The following EPHA6 variants were observed in gnomAD, a reference collection of about 807,000 sequenced individuals.
EPHA6 encodes the protein EPH receptor A6.
A neutral mutation model predicts 112.0 loss-of-function variants in EPHA6; 50 were observed. That is an observed-to-expected ratio of 0.45 (90% CI 0.36 to 0.56). The LOEUF (loss-of-function observed/expected upper bound fraction) is 0.56. Ranked by LOEUF, EPHA6 falls within the 20% of genes least tolerant of loss-of-function variation. EPHA6 has a pLI of 0.00. For synonymous variants in EPHA6, 529 were observed against 490.7 expected (o/e 1.08, Z -1.03); for missense variants, 1,280 against 1,417.4 (o/e 0.90, Z 1.56).
intron 13 of EPHA6, among the ~76,000 whole-genome samples, chr3:97,625,954 A>C (rs556673114): frequency 9.9e-4 from 151 of 151,868 alleles, no homozygotes; most frequent in Admixed American, 1.8e-3. Flanking sequence ...GCATAAATTG[A>C]AGGAAATGAT....
At chr3:97,003,467 C>T (rs1344275561) in intron 3 of EPHA6, among the ~76,000 whole-genome samples, 1 of 151,974 alleles carries the variant, frequency 6.6e-6, no homozygotes, top group Non-Finnish European at 1.5e-5. Flanking sequence ...AGCCATCGTA[C>T]CTTAGTGGAG....
chr3:97,011,330 G>T (rs1249764517), intron 3 of EPHA6, among the ~76,000 whole-genome samples: 3 of 152,288 alleles, frequency 2.0e-5, no homozygotes, highest in East Asian at 3.9e-4. Context: ...TAGAGGTCAG[G>T]TTAGGGATTA....
intron 2 of EPHA6, among the ~76,000 whole-genome samples, chr3:96,949,226 A>T (rs1406503938): frequency 8.5e-5 from 13 of 152,186 alleles, no homozygotes; most frequent in Non-Finnish European, 2.9e-5. Flanking sequence ...TTTGAATTTA[A>T]TTCTAATACA....
At chr3:97,452,207 T>C (rs1261992835) in intron 7 of EPHA6, among the ~76,000 whole-genome samples, 2 of 151,824 alleles carry the variant, frequency 1.3e-5, no homozygotes, top group South Asian at 2.1e-4. Context: ...AATATGCTAG[T>C]GGAGATTCTC....
chr3:97,743,793 T>C (rs781486996), intron 16 of EPHA6, among the ~76,000 whole-genome samples: 6 of 152,052 alleles, frequency 3.9e-5, no homozygotes, highest in Non-Finnish European at 7.4e-5. Flanking sequence ...TTTCTCAAAA[T>C]ATAACCTTTC....
At chr3:97,546,870 A>G (rs1416416425) in intron 11 of EPHA6, among the ~76,000 whole-genome samples, 2 of 152,162 alleles carry the variant, frequency 1.3e-5, no homozygotes, top group African/African-American at 4.8e-5. Context: ...CTACTGAAGC[A>G]TCTGCATTCG....
At chr3:97,504,552 G>T (rs2092198646) in intron 10 of EPHA6, among the ~76,000 whole-genome samples, 1 of 152,044 alleles carries the variant, frequency 6.6e-6, no homozygotes, top group Admixed American at 6.6e-5. Context: ...GTTTTCCATT[G>T]CAGGCATGTC....
At chr3:96,901,254 G>C (rs1270622026) in intron 2 of EPHA6, among the ~76,000 whole-genome samples, 4 of 151,308 alleles carry the variant, frequency 2.6e-5, no homozygotes, top group African/African-American at 7.3e-5. Context: ...AATTAACATG[G>C]ATAAATGAAA....
chr3:96,823,213 G>A (rs968437567), intron 1 of EPHA6, among the ~76,000 whole-genome samples: 2 of 151,610 alleles, frequency 1.3e-5, no homozygotes, highest in African/African-American at 4.8e-5. Context: ...TAAGTATGTA[G>A]AGGCCAATAA....
intron 3 of EPHA6, among the ~76,000 whole-genome samples, chr3:97,183,768 A>G (rs2077052144): frequency 6.6e-6 from 1 of 152,040 alleles, no homozygotes; most frequent in Non-Finnish European, 1.5e-5. Context: ...AGATCTTGTC[A>G]TGTCAGCATT....
At chr3:97,618,957 C>T (rs948113332) in intron 13 of EPHA6, among the ~76,000 whole-genome samples, 1 of 151,808 alleles carries the variant, frequency 6.6e-6, no homozygotes, top group Non-Finnish European at 1.5e-5. Context: ...AGCAATACAA[C>T]AAAAAAGAAA....
intron 6 of EPHA6, among the ~76,000 whole-genome samples, chr3:97,428,122 C>T (rs898828173): frequency 6.6e-6 from 1 of 151,866 alleles, no homozygotes; most frequent in Non-Finnish European, 1.5e-5. Context: ...TGGTATTGCC[C>T]CAAAATGGTA....
At chr3:97,223,327 C>T (rs1176966366) in intron 3 of EPHA6, among the ~76,000 whole-genome samples, 2 of 152,036 alleles carry the variant, frequency 1.3e-5, no homozygotes, top group Non-Finnish European at 2.9e-5. Flanking sequence ...TGAAATATTG[C>T]AGCAGGGTGT....
chr3:97,331,991 C>T (rs1041580388), intron 5 of EPHA6, among the ~76,000 whole-genome samples: 2 of 152,128 alleles, frequency 1.3e-5, no homozygotes, highest in South Asian at 2.1e-4. Context: ...TGATGAACAT[C>T]GATGCAAAAA....
intron 2 of EPHA6, among the ~76,000 whole-genome samples, chr3:96,948,708 G>A (rs558463876): frequency 1.2e-3 from 178 of 152,198 alleles, no homozygotes; most frequent in African/African-American, 3.3e-3. Flanking sequence ...TACGTATATA[G>A]CAGATCTAAG....
chr3:97,276,415 G>C (rs2080082424), intron 5 of EPHA6, among the ~76,000 whole-genome samples: 1 of 152,086 alleles, frequency 6.6e-6, no homozygotes, highest in African/African-American at 2.4e-5. Context: ...GCATTCCTTG[G>C]CTCGGTGGCC....
In EPHA6 at chr3:97,229,545, G is replaced by A. The variant is rs1013704738; in HGVS notation, c.1270+3126G>A. Among the ~76,000 whole-genome samples, 17 of 152,074 alleles carry A rather than the reference G, an allele frequency of 1.1e-4. No homozygotes were observed. The East Asian group carries it at 1.7e-3, about 16-fold the overall frequency. ...TCAGTTACATAAGTCAGATATTAAG[G>A]TGAACATTTGCCCTTCCTGGTGATG... On this transcript the variant is annotated intron_variant, in intron 4 of 17. Coordinates refer to ENST00000389672, the MANE Select transcript of EPHA6 (RefSeq NM_001080448.3).
At chr3:97,637,778 G>A in intron 13 of EPHA6, 95 bp from the exon 14 acceptor site, 4 of 880,180 alleles carry the variant, frequency 4.5e-6, no homozygotes, top group Non-Finnish European at 7.3e-6. Context: ...ATCTTCATTT[G>A]ATCCAATAAA....
chr3:97,546,901 G>C (rs1276101859), intron 11 of EPHA6, among the ~76,000 whole-genome samples: 1 of 152,140 alleles, frequency 6.6e-6, no homozygotes, highest in Non-Finnish European at 1.5e-5. Context: ...CTCATGCCTT[G>C]GTTTTCAGCT....
Sources: allele counts gnomAD v4.1 joint callset (sites outside exome capture counted in the v4.1 genomes callset), GRCh38; gene constraint gnomAD v4.1.1; transcripts MANE v1.5; gene names NCBI Gene and HGNC (gene_info 2026-07-23, HGNC 2026-07-21).